FSHR: variants seen among roughly 807,000 people sequenced by gnomAD.
FSHR encodes follicle-stimulating hormone receptor.
In FSHR, 46 loss-of-function variants were observed where a neutral mutation model predicts 52.1. The ratio of observed to expected loss-of-function variants is 0.88; its 90% CI spans 0.70 to 1.13. The LOEUF (loss-of-function observed/expected upper bound fraction) is 1.13, where lower values mean the gene tolerates loss of function less well. FSHR is among the 50% of genes most tolerant of loss of function. FSHR has a pLI of 0.00. For synonymous variants in FSHR, 399 were observed against 309.6 expected (o/e 1.29, Z -3.03); for missense variants, 964 against 834.6 (o/e 1.16, Z -1.91).
At chr2:49,026,549 T>C (rs1195451169) in intron 2 of FSHR, among the ~76,000 whole-genome samples, 2 of 152,192 alleles carry the variant, frequency 1.3e-5, no homozygotes, top group Non-Finnish European at 2.9e-5. Context: ...GCAACTCATA[T>C]AATAAGCACC....
chr2:48,980,966 C>A (rs1215393698), intron 8 of FSHR, among the ~76,000 whole-genome samples: 1 of 152,150 alleles, frequency 6.6e-6, no homozygotes, highest in Non-Finnish European at 1.5e-5. Context: ...CTGCCATGAA[C>A]AGATAGAGAT....
chr2:49,118,534 A>G (rs1323483569), intron 1 of FSHR, among the ~76,000 whole-genome samples: 2 of 152,158 alleles, frequency 1.3e-5, no homozygotes, highest in Non-Finnish European at 1.5e-5. Flanking sequence ...GAGAATAGAA[A>G]ATTCCAGGCA....
chr2:49,074,228 CAA>C (rs1669862625), intron 1 of FSHR, among the ~76,000 whole-genome samples: 1 of 151,738 alleles, frequency 6.6e-6, no homozygotes, highest in Non-Finnish European at 1.5e-5. Flanking sequence ...GCAAAGAAAA[CAA>C]AAAACAGAAT....
chr2:49,078,919 T>C (rs1670055902), intron 1 of FSHR, among the ~76,000 whole-genome samples: 1 of 151,918 alleles, frequency 6.6e-6, no homozygotes, highest in Non-Finnish European at 1.5e-5. Flanking sequence ...GCAATAAGAA[T>C]AGAAAATGAA....
At chr2:49,044,763 C>A (rs1274080317) in intron 2 of FSHR, among the ~76,000 whole-genome samples, 1 of 152,126 alleles carries the variant, frequency 6.6e-6, no homozygotes, top group African/African-American at 2.4e-5. Context: ...CTAACTTGCC[C>A]TGCACTTTCC....
At chr2:49,000,186 G>A (rs978396890) in intron 4 of FSHR, among the ~76,000 whole-genome samples, 1 of 152,070 alleles carries the variant, frequency 6.6e-6, no homozygotes, top group Non-Finnish European at 1.5e-5. Flanking sequence ...TATAACTAGG[G>A]GAGGTAAAGC....
At chr2:49,050,335 A>C (rs1668808417) in intron 2 of FSHR, among the ~76,000 whole-genome samples, 1 of 152,188 alleles carries the variant, frequency 6.6e-6, no homozygotes, top group Non-Finnish European at 1.5e-5. Context: ...GAAACTTGAA[A>C]GGAAAATAGC....
chr2:49,059,798 G>C (rs1669216749), intron 2 of FSHR: 2 of 152,050 alleles, frequency 1.3e-5, no homozygotes, highest in Admixed American at 1.3e-4. Flanking sequence ...GAGGACTTTG[G>C]TTTCGGAAAA....
intron 1 of FSHR, among the ~76,000 whole-genome samples, chr2:49,068,891 A>G (rs892892093): frequency 6.6e-6 from 1 of 152,050 alleles, no homozygotes; most frequent in South Asian, 2.1e-4. Flanking sequence ...AGTAACCACT[A>G]TGACAGTTTT....
chr2:49,023,222 C>T (rs1275887106), intron 2 of FSHR, among the ~76,000 whole-genome samples: 1 of 152,188 alleles, frequency 6.6e-6, no homozygotes, highest in Non-Finnish European at 1.5e-5. Flanking sequence ...TTTTTCATTT[C>T]TCAGCTGAAG....
intron 1 of FSHR, among the ~76,000 whole-genome samples, chr2:49,088,529 G>C (rs914281070): frequency 5.9e-5 from 9 of 152,156 alleles, no homozygotes; most frequent in Non-Finnish European, 1.2e-4. Context: ...TGTCAGTGTG[G>C]GTAAACAGAA....
intron 4 of FSHR, among the ~76,000 whole-genome samples, chr2:49,012,192 G>A (rs1212966971): frequency 1.3e-5 from 2 of 152,236 alleles, no homozygotes; most frequent in African/African-American, 2.4e-5. Context: ...CCAGCTGCCT[G>A]AGAATTACTT....
chr2:48,985,765 C>A (rs974355293), intron 6 of FSHR, among the ~76,000 whole-genome samples: 1 of 112,864 alleles, frequency 8.9e-6, no homozygotes, highest in Non-Finnish European at 1.7e-5. Flanking sequence ...GGACTGCGGA[C>A]TGCAGTGGCG....
chr2:48,970,363 A>G (rs1674687815), intron 8 of FSHR, among the ~76,000 whole-genome samples: 1 of 152,180 alleles, frequency 6.6e-6, no homozygotes, highest in Non-Finnish European at 1.5e-5. Flanking sequence ...GTACTCACTA[A>G]GGCCATGTCT....
intron 1 of FSHR, among the ~76,000 whole-genome samples, chr2:49,084,067 T>A (rs1466373111): frequency 6.6e-6 from 1 of 151,854 alleles, no homozygotes; most frequent in Non-Finnish European, 1.5e-5. Context: ...ACACCACACC[T>A]ATTCCAAAAT....
intron 1 of FSHR, among the ~76,000 whole-genome samples, chr2:49,069,957 A>T (rs1043829968): frequency 6.6e-6 from 1 of 152,162 alleles, no homozygotes; most frequent in Non-Finnish European, 1.5e-5. Context: ...TTTCTGTTTC[A>T]GATAGAGCTG....
chr2:49,066,976 C>G (rs13027322), intron 2 of FSHR, among the ~76,000 whole-genome samples: 52,519 of 151,962 alleles, frequency 0.35, 9,728 homozygotes, highest in East Asian at 0.49. Flanking sequence ...CTCTGTTCAG[C>G]TTTAGTATCC....
rs528088747 is a variant in FSHR, at chr2:49,016,565, C to T, written c.374+924G>A. Among the ~76,000 whole-genome samples, 33 of 152,216 alleles carry T rather than the reference C, an allele frequency of 2.2e-4. No homozygotes were observed. The South Asian group carries it at 2.7e-3, about 12-fold the overall frequency. ...TCCCAATTGAGGCCATCCAGAGTGG[C>T]CAACATCCAGTTGATCTGCCAATTA... is the stretch of plus-strand genomic sequence containing the variant. On this transcript the variant is annotated intron_variant, in intron 4 of 9. Coordinates refer to ENST00000406846, the MANE Select transcript of FSHR (RefSeq NM_000145.4).
At chr2:48,967,520 T>C (rs1188042199) in intron 9 of FSHR, among the ~76,000 whole-genome samples, 1 of 152,210 alleles carries the variant, frequency 6.6e-6, no homozygotes, top group Non-Finnish European at 1.5e-5. Context: ...GGCAAGCCAC[T>C]GCTTCAGCCC....
Sources: allele counts gnomAD v4.1 joint callset (sites outside exome capture counted in the v4.1 genomes callset), GRCh38; gene constraint gnomAD v4.1.1; transcripts MANE v1.5; gene names NCBI Gene and HGNC (gene_info 2026-07-23, HGNC 2026-07-21).